TRPM3: variants seen among roughly 807,000 people sequenced by gnomAD.
The protein encoded by TRPM3 is transient receptor potential cation channel subfamily M member 3.
Under a neutral mutation model 181.2 loss-of-function variants are expected in TRPM3, and 77 were observed. The observed-to-expected ratio is 0.42, with a 90% CI of 0.35 to 0.51. TRPM3 has a LOEUF of 0.51. Ranked by LOEUF, TRPM3 falls within the 20% of genes least tolerant of loss-of-function variation. The pLI is 0.01. For synonymous variants in TRPM3, 745 were observed against 796.4 expected (o/e 0.94, Z 1.09); for missense variants, 1,759 against 2,196.7 (o/e 0.80, Z 3.98).
chr9:71,172,048 A>G (rs1002609734), intron 1 of TRPM3, among the ~76,000 whole-genome samples: 8 of 151,980 alleles, frequency 5.3e-5, no homozygotes, highest in African/African-American at 1.5e-4. Context: ...ACAGATGCAC[A>G]CCACCATACC....
intron 20 of TRPM3, among the ~76,000 whole-genome samples, chr9:70,599,292 G>A (rs760922156): frequency 6.6e-6 from 1 of 152,028 alleles, no homozygotes; most frequent in Middle Eastern, 3.2e-3. Context: ...AGATCTGGCT[G>A]GCAATTACCA....
At chr9:70,683,958 T>C (rs1424475314) in intron 8 of TRPM3, among the ~76,000 whole-genome samples, 4 of 152,216 alleles carry the variant, frequency 2.6e-5, no homozygotes, top group Admixed American at 6.5e-5. Flanking sequence ...GATATTATCA[T>C]GTATCATGTA....
intron 1 of TRPM3, among the ~76,000 whole-genome samples, chr9:71,282,063 GAAAGA>G (rs1319413503): frequency 0.13 from 12,163 of 97,042 alleles, 903 homozygotes; most frequent in African/African-American, 0.19. Flanking sequence ...CAGAAAGAGA[GAAAGA>G]AAGGAAAGAA....
intron 22 of TRPM3, among the ~76,000 whole-genome samples, chr9:70,576,163 C>T (rs1373629353): frequency 1.3e-5 from 2 of 152,122 alleles, no homozygotes; most frequent in African/African-American, 4.8e-5. Context: ...TCTAATTTAT[C>T]CATGATGGGT....
intron 1 of TRPM3, among the ~76,000 whole-genome samples, chr9:70,980,553 C>T (rs1468751945): frequency 6.6e-6 from 1 of 152,046 alleles, no homozygotes; most frequent in African/African-American, 2.4e-5. Context: ...GGCTGCTCCC[C>T]GGGGTTCTGA....
rs917805005 is a variant in TRPM3 at position 70,956,910 on chromosome 9, T to C, written c.178-92399A>G. 5.9e-5 allele frequency among the ~76,000 whole-genome samples: 9 copies of C among 151,622 alleles called. No homozygotes were observed. In the South Asian group the frequency reaches 1.9e-3, roughly 32 times the overall value. ...CCCCTGCCAAAAAAAAAATTTCTTCTAAATTTTGACATTTAAAAAAAATTT... is the reference window on the plus strand; with the variant it reads ...CCCCTGCCAAAAAAAAAATTTCTTCCAAATTTTGACATTTAAAAAAAATTT... On this transcript the variant is annotated intron_variant, in intron 1 of 25. Coordinates refer to ENST00000677713, the MANE Select transcript of TRPM3 (RefSeq NM_001366145.2).
intron 1 of TRPM3, among the ~76,000 whole-genome samples, chr9:71,089,340 C>A (rs2065822678): frequency 6.6e-6 from 1 of 151,080 alleles, no homozygotes; most frequent in Non-Finnish European, 1.5e-5. Flanking sequence ...ATAGAGCATA[C>A]ATGGCAATAT....
chr9:70,579,225 C>T (rs1221442148), intron 22 of TRPM3: 1 of 152,162 alleles, frequency 6.6e-6, no homozygotes, highest in Non-Finnish European at 1.5e-5. Flanking sequence ...GGCGTGATCC[C>T]ACGACCCATC....
chr9:70,783,754 A>T, intron 7 of TRPM3: 1 of 740,854 alleles, frequency 1.3e-6, no homozygotes, highest in Non-Finnish European at 1.7e-6. Context: ...TCTGGTACAG[A>T]CTGGATGTGC....
At chr9:70,952,021 C>G (rs548078343) in intron 1 of TRPM3, among the ~76,000 whole-genome samples, 1 of 152,224 alleles carries the variant, frequency 6.6e-6, no homozygotes, top group African/African-American at 2.4e-5. Flanking sequence ...ATCCAAGAAG[C>G]CTTGATTTCA....
chr9:71,219,849 C>G (rs577585133), intron 1 of TRPM3, among the ~76,000 whole-genome samples: 2 of 152,202 alleles, frequency 1.3e-5, no homozygotes, highest in East Asian at 3.9e-4. Flanking sequence ...TTACAAGTGG[C>G]CTTGAAGGGT....
chr9:70,889,245 G>A (rs1168185559), intron 1 of TRPM3, among the ~76,000 whole-genome samples: 1 of 152,180 alleles, frequency 6.6e-6, no homozygotes, highest in East Asian at 1.9e-4. Context: ...CCAAACTTCT[G>A]CCTCCTCTCC....
chr9:71,045,163 C>A (rs1399649764), intron 1 of TRPM3, among the ~76,000 whole-genome samples: 1 of 151,922 alleles, frequency 6.6e-6, no homozygotes, highest in South Asian at 2.1e-4. Context: ...GTGGTGCGAT[C>A]TCAGCTTACT....
At chr9:70,694,080 A>T (rs533540687) in intron 8 of TRPM3, among the ~76,000 whole-genome samples, 1 of 152,036 alleles carries the variant, frequency 6.6e-6, no homozygotes, top group South Asian at 2.1e-4. Context: ...CACTTTAGAG[A>T]CTCTGAGAGA....
At chr9:71,206,925 T>C (rs374960407) in intron 1 of TRPM3, among the ~76,000 whole-genome samples, 117 of 152,176 alleles carry the variant, frequency 7.7e-4, no homozygotes, top group African/African-American at 2.6e-3. Flanking sequence ...TTCTCTAACT[T>C]ACATCAAGGA....
chr9:70,799,499 A>G (rs1028473709), intron 6 of TRPM3, among the ~76,000 whole-genome samples: 1 of 152,214 alleles, frequency 6.6e-6, no homozygotes, highest in Non-Finnish European at 1.5e-5. Context: ...TATGGGTGAC[A>G]ACACTGTGGG....
At chr9:71,078,984 A>T (rs1185625567) in intron 1 of TRPM3, among the ~76,000 whole-genome samples, 12 of 152,082 alleles carry the variant, frequency 7.9e-5, no homozygotes, top group South Asian at 2.1e-4. Context: ...AATCCTTCTC[A>T]AGGAACTCAC....
intron 1 of TRPM3, among the ~76,000 whole-genome samples, chr9:70,870,522 C>T (rs572022446): frequency 5.3e-5 from 8 of 152,130 alleles, no homozygotes; most frequent in African/African-American, 1.9e-4. Flanking sequence ...GCAGCTGTAA[C>T]ACTCCCAAGC....
chr9:71,234,821 C>T (rs1267957143), intron 1 of TRPM3, among the ~76,000 whole-genome samples: 2 of 152,174 alleles, frequency 1.3e-5, no homozygotes. Context: ...TCCTGTTATC[C>T]ATCACCTTCT....
Sources: allele counts gnomAD v4.1 joint callset (sites outside exome capture counted in the v4.1 genomes callset), GRCh38; gene constraint gnomAD v4.1.1; transcripts MANE v1.5; gene names NCBI Gene and HGNC (gene_info 2026-07-23, HGNC 2026-07-21).